GFRAL: variants seen among roughly 807,000 people sequenced by gnomAD.
GFRAL encodes the protein GDNF family receptor alpha like, also known as GDNF family receptor alpha-like.
A neutral mutation model predicts 45.4 loss-of-function variants in GFRAL; 36 were observed. The ratio of observed to expected loss-of-function variants is 0.79; its 90% CI spans 0.61 to 1.05. The LOEUF (loss-of-function observed/expected upper bound fraction) is 1.05. GFRAL is among the 50% of genes least tolerant of loss of function. GFRAL has a pLI of 0.00. For missense variants in GFRAL, 507 were observed against 467.5 expected, an observed-to-expected ratio of 1.08 and a Z score of -0.78; for synonymous variants, 166 against 154.1, an observed-to-expected ratio of 1.08 and a Z score of -0.57.
chr6:55,357,629 A>G (rs1006054836), intron 5 of GFRAL, among the ~76,000 whole-genome samples: 1 of 151,684 alleles, frequency 6.6e-6, no homozygotes, highest in African/African-American at 2.4e-5. Context: ...TAATCCATTC[A>G]GCCATACTAT....
chr6:55,347,701 T>C (rs1285972298), intron 3 of GFRAL, among the ~76,000 whole-genome samples: 4 of 152,108 alleles, frequency 2.6e-5, no homozygotes, highest in African/African-American at 9.7e-5. Flanking sequence ...GGGAAATGGG[T>C]AGGATTCACT....
At chr6:55,341,934 T>C in intron 3 of GFRAL, among the ~76,000 whole-genome samples, 1 of 151,572 alleles carries the variant, frequency 6.6e-6, no homozygotes, top group East Asian at 1.9e-4. Context: ...TGATTGAAGA[T>C]TAAACAAATG....
chr6:55,353,111 C>T lies in GFRAL; in HGVS notation c.701+1528C>T, dbSNP rs187458176. On this transcript the variant is annotated intron_variant, in intron 5 of 8. Coordinates refer to ENST00000340465, the MANE Select transcript of GFRAL (RefSeq NM_207410.2). ...TGTGCAAAGGGGAGAGAAATAGGAG[C>T]GAGATAAGAGAGTTAATTGAGTGGG... Among the ~76,000 whole-genome samples, 89 of 151,756 alleles carry T rather than the reference C, an allele frequency of 5.9e-4. 2 individuals carry two copies. The highest frequency in any genetic ancestry group is 2.0e-3 in the African/African-American group (81 of 41,398).
chr6:55,341,829 T>C (rs897005408), intron 3 of GFRAL, among the ~76,000 whole-genome samples: 11 of 152,122 alleles, frequency 7.2e-5, no homozygotes, highest in African/African-American at 2.4e-4. Flanking sequence ...AGTCCTTAAA[T>C]GAGCTGATGG....
At chr6:55,354,429 T>C (rs1039458946) in intron 5 of GFRAL, among the ~76,000 whole-genome samples, 2 of 152,032 alleles carry the variant, frequency 1.3e-5, no homozygotes, top group African/African-American at 4.8e-5. Flanking sequence ...CACTTAATTG[T>C]TATATTTTAG....
At chr6:55,344,692 G>C (rs575080196) in intron 3 of GFRAL, among the ~76,000 whole-genome samples, 1 of 152,150 alleles carries the variant, frequency 6.6e-6, no homozygotes, top group Non-Finnish European at 1.5e-5. Context: ...TCTGGCCAGC[G>C]CAATCAGGCA....
intron 6 of GFRAL, among the ~76,000 whole-genome samples, chr6:55,364,677 A>G (rs1768333221): frequency 6.6e-6 from 1 of 151,326 alleles, no homozygotes. Context: ...TTTTCCCAGC[A>G]CCATTTAATA....
intron 8 of GFRAL, among the ~76,000 whole-genome samples, chr6:55,400,596 CA>C (rs1354599762): frequency 6.6e-6 from 1 of 152,118 alleles, no homozygotes; most frequent in African/African-American, 2.4e-5. Context: ...TGTTTGGACC[CA>C]ATCCCTCTAA....
chr6:55,374,684 T>C (rs1768500454), intron 6 of GFRAL, among the ~76,000 whole-genome samples: 1 of 152,176 alleles, frequency 6.6e-6, no homozygotes, highest in African/African-American at 2.4e-5. Flanking sequence ...GGTGTTTTCA[T>C]CATGAAAATT....
At position 55,391,009 on chromosome 6, in the gene GFRAL, TA is replaced by T. The variant is rs202029722; in HGVS notation, c.953-8164del. On this transcript the variant is annotated intron_variant, in intron 6 of 8. Coordinates refer to ENST00000340465, the MANE Select transcript of GFRAL (RefSeq NM_207410.2). ...ACAGCAAAATAGAAGTGAATCTTTA[TA>T]AAAAAATATAATCTATCGCAATACC... Among the ~76,000 whole-genome samples, 1,058 of 152,028 alleles carry T rather than the reference TA, an allele frequency of 7.0e-3. 11 individuals are homozygous for T. The highest frequency in any genetic ancestry group is 0.024 in the African/African-American group (987 of 41,466).
chr6:55,366,389 C>A (rs1768364115), intron 6 of GFRAL, among the ~76,000 whole-genome samples: 1 of 148,838 alleles, frequency 6.7e-6, no homozygotes, highest in African/African-American at 2.5e-5. Context: ...TTCAAAAAAC[C>A]AGCTCCTGGA....
At chr6:55,332,944 A>G (rs1030193322) in intron 2 of GFRAL, among the ~76,000 whole-genome samples, 1 of 152,110 alleles carries the variant, frequency 6.6e-6, no homozygotes, top group Non-Finnish European at 1.5e-5. Context: ...AGCATAATCT[A>G]TACAGATTAC....
chr6:55,339,555 GA>G (rs1230634115), intron 3 of GFRAL, among the ~76,000 whole-genome samples: 3 of 152,026 alleles, frequency 2.0e-5, no homozygotes, highest in Non-Finnish European at 4.4e-5. Context: ...CCTATTTGAA[GA>G]AACCAAAAAG....
intron 1 of GFRAL, among the ~76,000 whole-genome samples, chr6:55,330,079 A>C (rs1260637446): frequency 6.6e-6 from 1 of 152,156 alleles, no homozygotes; most frequent in Non-Finnish European, 1.5e-5. Flanking sequence ...ATGTTTGCAG[A>C]ATCAATTTGA....
chr6:55,390,180 C>CTA (rs1473706999), intron 6 of GFRAL, among the ~76,000 whole-genome samples: 71 of 152,276 alleles, frequency 4.7e-4, no homozygotes, highest in African/African-American at 1.5e-3. Context: ...ACCTGCAAGT[C>CTA]TATTGACAGG....
At chr6:55,345,024 G>A (rs1261025331) in intron 3 of GFRAL, among the ~76,000 whole-genome samples, 1 of 152,148 alleles carries the variant, frequency 6.6e-6, no homozygotes, top group Non-Finnish European at 1.5e-5. Flanking sequence ...ACAAACCACT[G>A]CTGAACAGAA....
In GFRAL at chr6:55,359,043, T is replaced by C; in HGVS notation, c.857T>C (p.Val286Ala). The C allele has an allele frequency of 6.2e-7, 1 of 1,612,954 alleles. No homozygotes were observed. The highest frequency in any genetic ancestry group is 8.5e-7 in the Non-Finnish European group (1 of 1,179,288). ...GCTTACATAGATATCCTTGGGACGG[T>C]CCTTCAAGTGCAATGTACCTGTAGG... Reference protein sequence around the residue: ...KAAYIDILGTVLQVQCTCRTI... With the variant: ...KAAYIDILGTALQVQCTCRTI... The change falls in exon 6 of 9, where the codon GTC (valine) becomes GCC (alanine). Residue 286 changes from valine (V) to alanine (A), a missense_variant. Transcript: ENST00000340465.
At chr6:55,361,803 G>A (rs1283008465) in intron 6 of GFRAL, among the ~76,000 whole-genome samples, 1 of 151,934 alleles carries the variant, frequency 6.6e-6, no homozygotes, top group African/African-American at 2.4e-5. Flanking sequence ...CAAAAGATCG[G>A]TCATTACAGT....
chr6:55,375,249 C>A (rs1393768090), intron 6 of GFRAL, among the ~76,000 whole-genome samples: 1 of 152,184 alleles, frequency 6.6e-6, no homozygotes, highest in Non-Finnish European at 1.5e-5. Flanking sequence ...TTTTTCCTAT[C>A]CATGAGCATG....
Sources: gnomAD v4.1 joint callset for allele counts (sites outside exome capture counted in the v4.1 genomes callset) on GRCh38, gnomAD v4.1.1 for gene constraint, MANE v1.5 for transcripts, NCBI Gene and HGNC (gene_info 2026-07-23, HGNC 2026-07-21) for gene names.